Variants in OR6C70 observed in about 807,000 individuals in gnomAD.
OR6C70 encodes olfactory receptor 6C70.
For missense variants in OR6C70, 437 were observed against 357.5 expected (o/e 1.22, Z -1.79); for synonymous variants, 157 against 130.8 (o/e 1.20, Z -1.36).
Position 55,469,487 on chromosome 12 carries a change from A to G in OR6C70, c.652T>C (p.Tyr218His). 2 of 1,614,066 alleles carry G rather than the reference A, an allele frequency of 1.2e-6. No individual in the cohort carries two copies. The highest frequency in any genetic ancestry group is 1.6e-4 in the Middle Eastern group (1 of 6,062). ...AATTTCAGAATTGTCTTGATGATGT[A>G]AGAGTAAGAAAGGATTACTAAAAAC... ...TLFLVILSYS[Y>H]IIKTILKFPS... Residue 218 changes from tyrosine (Y) to histidine (H), a missense_variant, in exon 1 of 1, where the codon TAC becomes CAC. Physicochemically the swap from Tyr to His is moderately conservative, Grantham distance 83. Coordinates refer to ENST00000327335, the MANE Select transcript of OR6C70 (RefSeq NM_001005499.1).
In OR6C70 at chr12:55,469,854, G is replaced by A; in HGVS notation, c.285C>T (p.Cys95=). ...TREKTISCNG[C]ISQLFFYIFL... is the part of the protein sequence containing the mutation. The stretch of plus-strand genomic sequence containing the variant: ...ATATGTAAAAAAACAACTGAGATAT[G>A]CAACCATTACAGGAAATGGTCTTTT... Residue 95 remains cysteine (C), a synonymous_variant, in exon 1 of 1, where the codon TGC becomes TGT. Coordinates refer to ENST00000327335, the MANE Select transcript of OR6C70 (RefSeq NM_001005499.1). 2 of 1,614,058 alleles carry A rather than the reference G, an allele frequency of 1.2e-6. No homozygotes were observed. The highest frequency in any genetic ancestry group is 1.1e-5 in the South Asian group (1 of 91,070).
Position 55,469,224 on chromosome 12 carries a change from C to T in OR6C70, c.915G>A (p.Lys305=). 2 of 1,599,570 alleles carry T rather than the reference C, an allele frequency of 1.3e-6. No homozygotes were observed. Among genetic ancestry groups the T allele is most frequent in the Non-Finnish European group, 1.7e-6 (2 of 1,170,646 alleles). Residue 305 remains lysine, a synonymous_variant, in exon 1 of 1, where the codon AAG becomes AAA. Transcript: ENST00000327335. The stretch of plus-strand genomic sequence containing the variant: ...ATTACTTGTCTGAAGCAGAAAATAT[C>T]TTTCTAAATACAGCTTTGAAGGCTT... ...VKQAFKAVFR[K]IFSASDK
rs776216337 is a variant in OR6C70 at position 55,469,554 on chromosome 12, C to G, written c.585G>C (p.Leu195=). 4 of 1,613,402 alleles carry G rather than the reference C, an allele frequency of 2.5e-6. No individual in the cohort carries two copies. The South Asian group carries it at 3.3e-5, about 13-fold the overall frequency. The part of the protein sequence containing the change: ...LSCSDTHLLE[L]IAFLLAVMTL... Reference sequence around the variant, plus strand: ...TCATCACAGCTAATAAAAAGGCAATCAGTTCCAGTAAATGTGTGTCTGAGC... The same window carrying G: ...TCATCACAGCTAATAAAAAGGCAATGAGTTCCAGTAAATGTGTGTCTGAGC... The change falls in exon 1 of 1, where the codon CTG becomes CTC. Residue 195 remains leucine, a synonymous_variant. Coordinates refer to ENST00000327335, the MANE Select transcript of OR6C70 (RefSeq NM_001005499.1).
Position 55,470,026 on chromosome 12 carries a change from A to G in OR6C70, c.113T>C (p.Ile38Thr), listed in dbSNP as rs779263968. 2 of 1,613,694 alleles carry G rather than the reference A, an allele frequency of 1.2e-6. No homozygotes were observed. The highest frequency in any genetic ancestry group is 2.7e-5 in the African/African-American group (2 of 74,940). The change falls in exon 1 of 1, where the codon ATA becomes ACA. Residue 38 changes from isoleucine to threonine, a missense_variant. Coordinates refer to ENST00000327335, the MANE Select transcript of OR6C70 (RefSeq NM_001005499.1). ...GAGGGCAATGATAGTGAAGTTCCCT[A>G]TCATGCTCAACACACAATTTAGAAG... The part of the protein sequence containing the change: ...FLLLNCVLSM[I>T]GNFTIIALIL...
In OR6C70 at chr12:55,469,890, A is replaced by G. The variant is rs1339785071; in HGVS notation, c.249T>C (p.Ile83=). ...AGGAAATGGTCTTTTCCCTGGTAAC[A>G]ATGGTGATTAGGAATCTGGGAATGC... is the stretch of plus-strand genomic sequence containing the variant. The part of the protein sequence containing the change: ...TACIPRFLIT[I]VTREKTISCN... The change falls in exon 1 of 1, where the codon ATT becomes ATC. Residue 83 remains isoleucine, a synonymous_variant. Coordinates refer to ENST00000327335, the MANE Select transcript of OR6C70 (RefSeq NM_001005499.1). The G allele has an allele frequency of 6.2e-7, 1 of 1,614,058 alleles. No homozygotes were observed. Among genetic ancestry groups the G allele is most frequent in the African/African-American group, 1.3e-5 (1 of 75,046 alleles).
chr12:55,469,910 G>A lies in OR6C70; in HGVS notation c.229C>T (p.Pro77Ser), dbSNP rs567592422. 7.4e-6 allele frequency: 12 copies of A among 1,613,856 alleles called. No individual in the cohort carries two copies. In the South Asian group the frequency reaches 1.1e-4, roughly 15 times the overall value. Residue 77 changes from proline to serine, a missense_variant, in exon 1 of 1, where the codon CCC (proline) becomes TCC (serine). Coordinates refer to ENST00000327335, the MANE Select transcript of OR6C70 (RefSeq NM_001005499.1). ...GTAACAATGGTGATTAGGAATCTGG[G>A]AATGCAAGCAGTTGTGAATGAAATT... ...LEISFTTACI[P>S]RFLITIVTRE...
In OR6C70 at chr12:55,470,067, TACAATCTGTA is replaced by T. The variant is rs1871915795; in HGVS notation, c.62_71del (p.Leu21Ter). 5 of 1,613,388 alleles carry T rather than the reference TACAATCTGTA, an allele frequency of 3.1e-6. No individual in the cohort carries two copies. In the East Asian group the frequency reaches 1.1e-4, roughly 36 times the overall value. On this transcript the variant is annotated frameshift_variant, in exon 1 of 1. Coordinates refer to ENST00000327335, the MANE Select transcript of OR6C70 (RefSeq NM_001005499.1). LOFTEE classifies it low-confidence loss of function (END_TRUNC). Reference sequence around the variant, plus strand: ...AATTTAGAAGTAGAAATAAGAAAATTACAATCTGTAACTGAGAATTATCCGTCAGTCCCAG... The same window carrying T: ...AATTTAGAAGTAGAAATAAGAAAATTACTGAGAATTATCCGTCAGTCCCAG...
Position 55,469,905 on chromosome 12 carries a change from T to G in OR6C70, c.234A>C (p.Arg78Ser). The change falls in exon 1 of 1, where the codon AGA (arginine) becomes AGC (serine). Residue 78 changes from arginine to serine, a missense_variant. Arg to Ser is a moderately radical substitution (Grantham distance 110). Transcript: ENST00000327335. The stretch of plus-strand genomic sequence containing the variant: ...CCCTGGTAACAATGGTGATTAGGAA[T>G]CTGGGAATGCAAGCAGTTGTGAATG... ...EISFTTACIP[R>S]FLITIVTREK... The G allele has an allele frequency of 6.2e-7, 1 of 1,613,720 alleles. No individual in the cohort carries two copies. Among genetic ancestry groups the G allele is most frequent in the Non-Finnish European group, 8.5e-7 (1 of 1,179,794 alleles).
At position 55,469,741 on chromosome 12, in the gene OR6C70, A is replaced by G; in HGVS notation, c.398T>C (p.Ile133Thr). The G allele has an allele frequency of 6.2e-7, 1 of 1,614,114 alleles. No individual in the cohort carries two copies. Among genetic ancestry groups the G allele is most frequent in the Non-Finnish European group, 8.5e-7 (1 of 1,179,978 alleles). Reference protein sequence around the residue: ...AICKPLRYMSIMSNKVCYQLV... With the variant: ...AICKPLRYMSTMSNKVCYQLV... ...CTGGTAGCAAACTTTGTTACTCATG[A>G]TGGACATATAACGCAAAGGTTTGCA... Residue 133 changes from isoleucine (I) to threonine (T), a missense_variant, in exon 1 of 1, where the codon ATC (isoleucine) becomes ACC (threonine). Physicochemically the swap from Ile to Thr is moderately conservative, Grantham distance 89. Transcript: ENST00000327335.
chr12:55,469,683 C>G lies in OR6C70; in HGVS notation c.456G>C (p.Leu152=). 6.2e-7 allele frequency: 1 copy of G among 1,613,872 alleles called. No individual in the cohort carries two copies. The change falls in exon 1 of 1, where the codon CTG becomes CTC. Residue 152 remains leucine (L), a synonymous_variant. Coordinates refer to ENST00000327335, the MANE Select transcript of OR6C70 (RefSeq NM_001005499.1). ...CTAAAATCAGTGGAGTGAAAATGAT[C>G]AGGAATCCAGTTACCCAAGAACTGA... ...LVFSSWVTGF[L]IIFTPLILGL... is the part of the protein sequence containing the mutation.
In OR6C70 at chr12:55,469,342, A is replaced by T; in HGVS notation, c.797T>A (p.Val266Asp). 1 of 1,613,894 alleles carries T rather than the reference A, an allele frequency of 6.2e-7. No homozygotes were observed. The highest frequency in any genetic ancestry group is 8.5e-7 in the Non-Finnish European group (1 of 1,179,912). The change falls in exon 1 of 1, where the codon GTT becomes GAT. Residue 266 changes from valine (V) to aspartate (D), a missense_variant. By Grantham distance (152) the Val-to-Asp change is radical. Coordinates refer to ENST00000327335, the MANE Select transcript of OR6C70 (RefSeq NM_001005499.1). The part of the protein sequence containing the change: ...IYIKPSANER[V>D]ALSKGVTVLN... Reference sequence around the variant, plus strand: ...CACAGTTACTCCTTTGCTTAAAGCAACTCTTTCATTCGCTGATGGCTTTAT... The same window carrying T: ...CACAGTTACTCCTTTGCTTAAAGCATCTCTTTCATTCGCTGATGGCTTTAT...
chr12:55,469,570 G>A lies in OR6C70; in HGVS notation c.569C>T (p.Thr190Ile). 1.2e-6 allele frequency: 2 copies of A among 1,613,422 alleles called. No individual in the cohort carries two copies. The highest frequency in any genetic ancestry group is 1.7e-6 in the Non-Finnish European group (2 of 1,179,376). ...SLILQLSCSD[T>I]HLLELIAFLL... ...AAAGGCAATCAGTTCCAGTAAATGTGTGTCTGAGCAAGAAAGTTGTAGGAT... is the reference window on the plus strand; with the variant it reads ...AAAGGCAATCAGTTCCAGTAAATGTATGTCTGAGCAAGAAAGTTGTAGGAT... Residue 190 changes from threonine (T) to isoleucine (I), a missense_variant, in exon 1 of 1, where the codon ACA (threonine) becomes ATA (isoleucine). Coordinates refer to ENST00000327335, the MANE Select transcript of OR6C70 (RefSeq NM_001005499.1).
rs56038718 is a variant in OR6C70 at position 55,469,669 on chromosome 12, G to A, written c.470C>T (p.Pro157Leu). ...WVTGFLIIFT[P>L]LILGLNLDFC... ...ATCCAAGTTAAGACCTAAAATCAGT[G>A]GAGTGAAAATGATCAGGAATCCAGT... The change falls in exon 1 of 1, where the codon CCA becomes CTA. Residue 157 changes from proline to leucine, a missense_variant. Coordinates refer to ENST00000327335, the MANE Select transcript of OR6C70 (RefSeq NM_001005499.1). The A allele has an allele frequency of 6.2e-7, 1 of 1,613,684 alleles. No individual in the cohort carries two copies.
rs200202218 is a variant in OR6C70, at chr12:55,470,050, A to T, written c.89T>A (p.Leu30His). The T allele has an allele frequency of 2.5e-6, 4 of 1,613,540 alleles. No homozygotes were observed. The South Asian group carries it at 4.4e-5, about 18-fold the overall frequency. The change falls in exon 1 of 1, where the codon CTT becomes CAT. Residue 30 changes from leucine to histidine, a missense_variant. Physicochemically the swap from Leu to His is moderately conservative, Grantham distance 99. Transcript: ENST00000327335. ...TATCATGCTCAACACACAATTTAGA[A>T]GTAGAAATAAGAAAATTACAATCTG... ...QLQIVIFLFLLLNCVLSMIGN... is the reference protein window; with the variant it reads ...QLQIVIFLFLHLNCVLSMIGN...
chr12:55,469,999 A>G lies in OR6C70; in HGVS notation c.140T>C (p.Ile47Thr). The change falls in exon 1 of 1, where the codon ATT becomes ACT. Residue 47 changes from isoleucine (I) to threonine (T), a missense_variant. Physicochemically the swap from Ile to Thr is moderately conservative, Grantham distance 89. Coordinates refer to ENST00000327335, the MANE Select transcript of OR6C70 (RefSeq NM_001005499.1). Reference sequence around the variant, plus strand: ...AGTCTTGAGCTGGGAATCCAGCAGAATGAGGGCAATGATAGTGAAGTTCCC... The same window carrying G: ...AGTCTTGAGCTGGGAATCCAGCAGAGTGAGGGCAATGATAGTGAAGTTCCC... ...MIGNFTIIAL[I>T]LLDSQLKTPM... is the part of the protein sequence containing the mutation. 1 of 1,614,136 alleles carries G rather than the reference A, an allele frequency of 6.2e-7. No homozygotes were observed.
Position 55,469,657 on chromosome 12 carries a change from C to T in OR6C70, c.482G>A (p.Gly161Asp). 1.2e-6 allele frequency: 2 copies of T among 1,613,792 alleles called. No individual in the cohort carries two copies. The highest frequency in any genetic ancestry group is 1.1e-5 in the South Asian group (1 of 91,074). ...TGAAGCACAGAAATCCAAGTTAAGACCTAAAATCAGTGGAGTGAAAATGAT... is the reference window on the plus strand; with the variant it reads ...TGAAGCACAGAAATCCAAGTTAAGATCTAAAATCAGTGGAGTGAAAATGAT... ...FLIIFTPLIL[G>D]LNLDFCASNI... The change falls in exon 1 of 1, where the codon GGT becomes GAT. Residue 161 changes from glycine to aspartate, a missense_variant. Transcript: ENST00000327335.
chr12:55,469,203 C>T lies in OR6C70; in HGVS notation c.936G>A (p.Lys312=). The T allele has an allele frequency of 1.3e-6, 2 of 1,576,528 alleles. No homozygotes were observed. Among genetic ancestry groups the T allele is most frequent in the East Asian group, 4.5e-5 (2 of 44,336 alleles). Residue 312 remains lysine (K), a synonymous_variant, in exon 1 of 1, where the codon AAG becomes AAA. Transcript: ENST00000327335. ...VFRKIFSASD[K] ...TTAATTATTTCAACAAGTTGTATTA[C>T]TTGTCTGAAGCAGAAAATATCTTTC...
In OR6C70 at chr12:55,469,351, T is replaced by G; in HGVS notation, c.788A>C (p.Asn263Thr). The change falls in exon 1 of 1, where the codon AAT (asparagine) becomes ACT (threonine). Residue 263 changes from asparagine to threonine, a missense_variant. By Grantham distance (65) the Asn-to-Thr change is moderately conservative. Coordinates refer to ENST00000327335, the MANE Select transcript of OR6C70 (RefSeq NM_001005499.1). ...TCCTTTGCTTAAAGCAACTCTTTCA[T>G]TCGCTGATGGCTTTATGTAGATAAA... ...CMFIYIKPSA[N>T]ERVALSKGVT... The G allele has an allele frequency of 6.2e-7, 1 of 1,613,948 alleles. No homozygotes were observed. The highest frequency in any genetic ancestry group is 8.5e-7 in the Non-Finnish European group (1 of 1,179,918).
At position 55,469,842 on chromosome 12, in the gene OR6C70, C is replaced by A. The variant is rs781423124; in HGVS notation, c.297G>T (p.Leu99Phe). The A allele has an allele frequency of 5.0e-6, 8 of 1,613,762 alleles. No homozygotes were observed. The African/African-American group carries it at 1.1e-4, about 22-fold the overall frequency. ...TISCNGCISQ[L>F]FFYIFLGVTE... ...TAACCCCCAAGAATATGTAAAAAAA[C>A]AACTGAGATATGCAACCATTACAGG... Residue 99 changes from leucine to phenylalanine, a missense_variant, in exon 1 of 1, where the codon TTG (leucine) becomes TTT (phenylalanine). Physicochemically the swap from Leu to Phe is conservative, Grantham distance 22. Coordinates refer to ENST00000327335, the MANE Select transcript of OR6C70 (RefSeq NM_001005499.1).
Sources: gnomAD v4.1 joint callset for allele counts on GRCh38, gnomAD v4.1.1 for gene constraint, MANE v1.5 for transcripts, NCBI Gene and HGNC (gene_info 2026-07-23, HGNC 2026-07-21) for gene names.